FAAH2: variants seen among roughly 807,000 people sequenced by gnomAD.
The protein encoded by FAAH2 is fatty-acid amide hydrolase 2.
In FAAH2, 60 loss-of-function variants were observed where a neutral mutation model predicts 36.9. That is an observed-to-expected ratio of 1.63 (90% CI 1.32 to 2.02). The LOEUF (loss-of-function observed/expected upper bound fraction) is 2.02, where lower values mean the gene tolerates loss of function less well. Among genes scored for constraint, FAAH2 ranks in the 30% most tolerant of loss-of-function variants. The pLI is 0.00. For synonymous variants in FAAH2, 214 were observed against 143.8 expected, an observed-to-expected ratio of 1.49 and a Z score of -3.49; for missense variants, 689 against 397.5, an observed-to-expected ratio of 1.73 and a Z score of -6.23.
the FAAH2 span, among the ~76,000 whole-genome samples, chrX:57,216,543 C>T: frequency 5.5e-3 from 117 of 21,087 alleles, 3 homozygotes; most frequent in Middle Eastern, 0.062. Context: ...TATATATATA[C>T]GTATATGTAT....
At chrX:57,343,311 T>C (rs911083444) in intron 5 of FAAH2, among the ~76,000 whole-genome samples, 2 of 112,132 alleles carry the variant, frequency 1.8e-5, no homozygotes, top group Admixed American at 9.5e-5. Flanking sequence ...ATGATTGCCA[T>C]TCTGACTTGT....
the FAAH2 span, among the ~76,000 whole-genome samples, chrX:57,265,554 A>T: frequency 1.1e-4 from 12 of 111,743 alleles, no homozygotes; most frequent in South Asian, 4.5e-3. Context: ...AGCACAGCAC[A>T]GCTGCTTTAC....
chrX:57,398,137 G>A (rs1017752014), intron 7 of FAAH2, among the ~76,000 whole-genome samples: 23 of 111,606 alleles, frequency 2.1e-4, no homozygotes, highest in East Asian at 5.6e-4. Flanking sequence ...TGACCCAGCC[G>A]TCCCATTACT....
At chrX:57,192,214 G>A in the FAAH2 span, among the ~76,000 whole-genome samples, 5 of 111,193 alleles carry the variant, frequency 4.5e-5, no homozygotes, top group Admixed American at 9.6e-5. Flanking sequence ...AATTTCATTT[G>A]TGGCTATTGT....
chrX:57,233,657 T>C, the FAAH2 span, among the ~76,000 whole-genome samples: 1 of 112,073 alleles, frequency 8.9e-6, no homozygotes, highest in Admixed American at 9.5e-5. Flanking sequence ...TGTTTTGTTT[T>C]TGGAGACAGT....
At chrX:57,412,266 G>T (rs962029699) in intron 7 of FAAH2, among the ~76,000 whole-genome samples, 9 of 110,515 alleles carry the variant, frequency 8.1e-5, no homozygotes, top group African/African-American at 9.9e-5. Context: ...TAAGTTCTGC[G>T]GAATGTGCAG....
At chrX:57,332,963 G>T (rs1387938552) in intron 4 of FAAH2, among the ~76,000 whole-genome samples, 1 of 111,266 alleles carries the variant, frequency 9.0e-6, no homozygotes, top group Non-Finnish European at 1.9e-5. Flanking sequence ...TCCTACTGAA[G>T]GGGTCAAAGC....
chrX:57,452,066 C>G (rs1240672634), intron 10 of FAAH2: 1 of 471,220 alleles, frequency 2.1e-6, no homozygotes, highest in Non-Finnish European at 2.6e-6. Flanking sequence ...ATTACCAGGA[C>G]AGATGGAAGG....
intron 10 of FAAH2, among the ~76,000 whole-genome samples, chrX:57,479,203 C>T (rs1357359190): frequency 9.9e-5 from 11 of 111,297 alleles, no homozygotes; most frequent in Admixed American, 2.9e-4. Flanking sequence ...AGGTCCTTCA[C>T]GTCCCTTGTA....
chrX:57,410,989 CT>C (rs1396207323), intron 7 of FAAH2, among the ~76,000 whole-genome samples: 1 of 111,614 alleles, frequency 9.0e-6, no homozygotes, highest in African/African-American at 3.3e-5. Context: ...TTCATATTTC[CT>C]TGATCCTTTA....
intron 7 of FAAH2, among the ~76,000 whole-genome samples, chrX:57,429,101 C>T (rs1034267961): frequency 1.3e-4 from 14 of 110,799 alleles, no homozygotes; most frequent in Non-Finnish European, 2.3e-4. Flanking sequence ...TTTGGGAGGC[C>T]GAGGTGGGCG....
At chrX:57,191,540 G>T in the FAAH2 span, among the ~76,000 whole-genome samples, 1 of 110,978 alleles carries the variant, frequency 9.0e-6, no homozygotes, top group African/African-American at 3.3e-5. Context: ...ATGCTTGTAG[G>T]GTATTACACA....
At chrX:57,467,201 T>C (rs2057066353) in intron 10 of FAAH2, among the ~76,000 whole-genome samples, 1 of 111,442 alleles carries the variant, frequency 9.0e-6, no homozygotes, top group South Asian at 3.8e-4. Flanking sequence ...GACTTCTGCA[T>C]TTCCAACTGA....
chrX:57,227,813 TTGC>T, the FAAH2 span, among the ~76,000 whole-genome samples: 1 of 111,742 alleles, frequency 8.9e-6, no homozygotes, highest in Non-Finnish European at 1.9e-5. Context: ...TAGTTGAGTC[TTGC>T]TGTGGCTGCA....
At chrX:57,467,594 G>A (rs1159148262) in intron 10 of FAAH2, among the ~76,000 whole-genome samples, 2 of 111,849 alleles carry the variant, frequency 1.8e-5, no homozygotes, top group Non-Finnish European at 3.8e-5. Flanking sequence ...GGTAAACAAA[G>A]CAGCCAGGAA....
intron 7 of FAAH2, among the ~76,000 whole-genome samples, chrX:57,412,996 A>T (rs1169489487): frequency 8.9e-6 from 1 of 111,928 alleles, no homozygotes; most frequent in Non-Finnish European, 1.9e-5. Context: ...TTTTTATTTC[A>T]TATGTTTGTT....
chrX:57,189,298 C>A, the FAAH2 span, among the ~76,000 whole-genome samples: 2 of 109,908 alleles, frequency 1.8e-5, no homozygotes, highest in Admixed American at 9.8e-5. Context: ...AACCTTTTGT[C>A]AAGGTTCTTG....
At chrX:57,379,336 C>A (rs1033068323) in intron 6 of FAAH2, among the ~76,000 whole-genome samples, 1 of 111,284 alleles carries the variant, frequency 9.0e-6, no homozygotes, top group Admixed American at 9.6e-5. Context: ...CAGTTTCTTA[C>A]CATCACATTT....
chrX:57,384,580 A>G (rs1380518411), intron 7 of FAAH2, among the ~76,000 whole-genome samples: 5 of 111,695 alleles, frequency 4.5e-5, no homozygotes, highest in African/African-American at 1.6e-4. Flanking sequence ...AAAAATACTC[A>G]TCATCACTGG....
Sources: gnomAD v4.1 joint callset for allele counts (sites outside exome capture counted in the v4.1 genomes callset) on GRCh38, gnomAD v4.1.1 for gene constraint, MANE v1.5 for transcripts, NCBI Gene and HGNC (gene_info 2026-07-23, HGNC 2026-07-21) for gene names.